The following TPRG1 variants were observed in gnomAD, a reference collection of about 807,000 sequenced individuals.
TPRG1 encodes tumor protein p63 regulated 1.
In TPRG1, 29 loss-of-function variants were observed where a neutral mutation model predicts 29.3. That is an observed-to-expected ratio of 0.99 (90% CI 0.74 to 1.35). The LOEUF (loss-of-function observed/expected upper bound fraction) is 1.35, where lower values mean the gene tolerates loss of function less well. TPRG1 is among the 40% of genes most tolerant of loss of function. The pLI is 0.00. For missense variants in TPRG1, 327 were observed against 335.0 expected, an observed-to-expected ratio of 0.98 and a Z score of 0.19; for synonymous variants, 130 against 116.8, an observed-to-expected ratio of 1.11 and a Z score of -0.73.
At chr3:189,275,566 C>A (rs979999197) in intron 4 of TPRG1, among the ~76,000 whole-genome samples, 1 of 151,936 alleles carries the variant, frequency 6.6e-6, no homozygotes, top group African/African-American at 2.4e-5. Context: ...GAAGGTATAG[C>A]AAGAATAAAG....
intron 3 of TPRG1, among the ~76,000 whole-genome samples, chr3:189,222,373 T>C (rs1021390282): frequency 2.3e-4 from 35 of 152,210 alleles, no homozygotes; most frequent in African/African-American, 8.4e-4. Flanking sequence ...TTTCTAATCC[T>C]TATTAAATCA....
rs1721524040 is a variant in TPRG1 at position 189,305,742 on chromosome 3, T to C, written c.480-4644T>C. ...GTTACATATCTATAAAATCAAAGAA[T>C]TGGAAACTGACCTCTCCAAAAGGCC... On this transcript the variant is annotated intron_variant, in intron 4 of 5. Coordinates refer to ENST00000345063, the MANE Select transcript of TPRG1 (RefSeq NM_198485.4). Among the ~76,000 whole-genome samples the C allele has an allele frequency of 2.0e-5, 3 of 152,184 alleles. No homozygotes were observed. The South Asian group carries it at 6.2e-4, about 32-fold the overall frequency.
intron 3 of TPRG1, among the ~76,000 whole-genome samples, chr3:189,235,454 G>C (rs908046048): frequency 3.9e-5 from 6 of 152,178 alleles, no homozygotes; most frequent in East Asian, 3.9e-4. Flanking sequence ...AAATTTGTAG[G>C]ACTAGGCATG....
At chr3:189,289,207 T>C (rs537796319) in intron 4 of TPRG1, among the ~76,000 whole-genome samples, 1 of 152,322 alleles carries the variant, frequency 6.6e-6, no homozygotes, top group East Asian at 1.9e-4. Flanking sequence ...AACCTGCTTC[T>C]CTTCTGTAGG....
intron 1 of TPRG1, among the ~76,000 whole-genome samples, chr3:189,183,085 G>A (rs8179910): frequency 0.48 from 73,067 of 151,942 alleles, 17,684 homozygotes; most frequent in South Asian, 0.56. Flanking sequence ...ACCTGCCCCA[G>A]TAGTCACGTA....
At chr3:189,117,140 T>C (rs1172093360) in intron 1 of TPRG1, among the ~76,000 whole-genome samples, 1 of 152,158 alleles carries the variant, frequency 6.6e-6, no homozygotes, top group African/African-American at 2.4e-5. Flanking sequence ...AAATACTTTA[T>C]TGGGACTTAT....
chr3:189,158,089 G>C (rs925483851), intron 5 of TPRG1, among the ~76,000 whole-genome samples: 1 of 152,146 alleles, frequency 6.6e-6, no homozygotes, highest in African/African-American at 2.4e-5. Flanking sequence ...ATCTTTTATA[G>C]TCAAAAAGAT....
At chr3:189,142,304 G>T (rs1185321804) in intron 3 of TPRG1, among the ~76,000 whole-genome samples, 1 of 152,092 alleles carries the variant, frequency 6.6e-6, no homozygotes, top group Non-Finnish European at 1.5e-5. Context: ...TACACCAAGG[G>T]ATTGATTATA....
chr3:189,226,888 A>T (rs1046553535), intron 3 of TPRG1, among the ~76,000 whole-genome samples: 1 of 151,974 alleles, frequency 6.6e-6, no homozygotes, highest in African/African-American at 2.4e-5. Flanking sequence ...ATCACTACAG[A>T]TGCTGCAAAT....
chr3:189,242,650 G>A (rs1196568921), intron 4 of TPRG1, among the ~76,000 whole-genome samples: 3 of 151,966 alleles, frequency 2.0e-5, no homozygotes, highest in Non-Finnish European at 4.4e-5. Flanking sequence ...GTTGGAAAAT[G>A]TTCCCTCCTC....
At chr3:189,092,118 A>G (rs1718376800) in intron 4 of TPRG1, among the ~76,000 whole-genome samples, 1 of 152,206 alleles carries the variant, frequency 6.6e-6, no homozygotes, top group Admixed American at 6.5e-5. Flanking sequence ...ACTATTTTTC[A>G]GTTCAGAGAT....
At chr3:189,160,774 G>A (rs1440157901) in intron 5 of TPRG1, among the ~76,000 whole-genome samples, 1 of 152,158 alleles carries the variant, frequency 6.6e-6, no homozygotes, top group Non-Finnish European at 1.5e-5. Context: ...CTTCTCTGGG[G>A]GATGAAAATT....
chr3:189,231,595 A>G (rs12487303), intron 3 of TPRG1, among the ~76,000 whole-genome samples: 5,968 of 152,238 alleles, frequency 0.039, 170 homozygotes, highest in South Asian at 0.13. Flanking sequence ...CAACAGTCCT[A>G]TGAGGAATAC....
intron 1 of TPRG1, chr3:189,121,226 T>C (rs1721790456): frequency 6.6e-6 from 1 of 152,224 alleles, no homozygotes; most frequent in Admixed American, 6.5e-5. Flanking sequence ...TAATCTAATT[T>C]ACGTAACAGC....
intron 3 of TPRG1, among the ~76,000 whole-genome samples, chr3:189,218,389 T>G (rs1736417149): frequency 6.6e-6 from 1 of 152,178 alleles, no homozygotes; most frequent in Non-Finnish European, 1.5e-5. Context: ...GTGCTAGGAT[T>G]ACAGGCGTGA....
chr3:189,116,462 C>G (rs1721187295), intron 1 of TPRG1, among the ~76,000 whole-genome samples: 1 of 152,194 alleles, frequency 6.6e-6, no homozygotes, highest in East Asian at 1.9e-4. Flanking sequence ...CAGACATGAG[C>G]CACCGCGCCC....
In TPRG1 at chr3:189,037,846, G is replaced by A. The variant is rs573550947; in HGVS notation, c.-463+13900G>A. On this transcript the variant is annotated intron_variant, in intron 4 of 10. Transcript: ENST00000433971. ...GTATAATATACCAGCAAAACTTTAA[G>A]ATATAAATATATTAACCTATTAAGA... 2.6e-5 allele frequency among the ~76,000 whole-genome samples: 4 copies of A among 151,268 alleles called. No homozygotes were observed. In the Admixed American group the frequency reaches 2.6e-4, roughly 10 times the overall value.
intron 1 of TPRG1, among the ~76,000 whole-genome samples, chr3:189,118,998 G>A (rs1160353497): frequency 6.6e-6 from 1 of 152,238 alleles, no homozygotes; most frequent in Non-Finnish European, 1.5e-5. Context: ...TCTACATACA[G>A]CTTGCACTGT....
chr3:189,185,213 C>T (rs921723888), intron 1 of TPRG1, among the ~76,000 whole-genome samples: 4 of 151,980 alleles, frequency 2.6e-5, no homozygotes, highest in African/African-American at 7.3e-5. Flanking sequence ...AAGGTGCCAG[C>T]TTGGGTAATC....
Sources: gnomAD v4.1 joint callset for allele counts (sites outside exome capture counted in the v4.1 genomes callset) on GRCh38, gnomAD v4.1.1 for gene constraint, MANE v1.5 for transcripts, NCBI Gene and HGNC (gene_info 2026-07-23, HGNC 2026-07-21) for gene names.